CLHC1: variants seen among roughly 807,000 people sequenced by gnomAD.
CLHC1 encodes clathrin heavy chain linker domain containing 1, also known as clathrin heavy chain linker domain-containing protein 1.
In CLHC1, 72 loss-of-function variants were observed where a neutral mutation model predicts 69.5. The observed-to-expected ratio is 1.04, with a 90% confidence interval of 0.86 to 1.26. The LOEUF (loss-of-function observed/expected upper bound fraction) is 1.26, where lower values mean the gene tolerates loss of function less well. CLHC1 is among the 50% of genes most tolerant of loss of function. CLHC1 has a pLI of 0.00. For missense variants in CLHC1, 790 were observed against 679.3 expected (o/e 1.16, Z -1.81); for synonymous variants, 223 against 224.3 (o/e 0.99, Z 0.05).
rs374084996 is a variant in CLHC1 at position 55,208,645 on chromosome 2, T to A, written c.880A>T (p.Met294Leu). The A allele has an allele frequency of 1.5e-5, 24 of 1,608,274 alleles. No homozygotes were observed. Among genetic ancestry groups the A allele is most frequent in the Non-Finnish European group, 2.0e-5 (23 of 1,175,044 alleles). ...DPRRAKEAEI[M>L]LHYIERFNEL... ...ATTTGCCTTTCAATGTAGTGAAGCA[T>A]AATTTCAGCTTCTTTTGCCCTGCGT... The change falls in exon 8 of 13, where the codon ATG (methionine) becomes TTG (leucine). Residue 294 changes from methionine (M) to leucine (L), a missense_variant. Physicochemically the swap from Met to Leu is conservative, Grantham distance 15. Coordinates refer to ENST00000401408, the MANE Select transcript of CLHC1 (RefSeq NM_152385.4).
intron 11 of CLHC1, among the ~76,000 whole-genome samples, 154 bp downstream of exon 11, chr2:55,180,356 G>A (rs1438182784): frequency 2.6e-5 from 4 of 151,960 alleles, no homozygotes; most frequent in Non-Finnish European, 5.9e-5. Context: ...AGCTTACTAT[G>A]TTCATGAAAA....
In CLHC1 at chr2:55,228,176, C is replaced by T. The variant is rs186604565; in HGVS notation, c.-227G>A. 6.6e-6 allele frequency: 1 copy of T among 152,368 alleles called. No individual in the cohort carries two copies. The highest frequency in any genetic ancestry group is 1.9e-4 in the East Asian group (1 of 5,188). 9.4% of individuals were successfully genotyped at this position (152,368 alleles called of 1,614,324 possible). A position where few individuals can be genotyped will look rare whatever the true frequency, so the allele number is the denominator to read the frequency against. ...TTCCACCACACTGCCTTAGAGACTT[C>T]CTGTTTATATTCTGTCTCATCTGTT... On this transcript the variant is annotated 5_prime_UTR_variant, in exon 2 of 13. Coordinates refer to ENST00000401408, the MANE Select transcript of CLHC1 (RefSeq NM_152385.4).
intron 9 of CLHC1, among the ~76,000 whole-genome samples, chr2:55,193,324 A>C (rs1175340370): frequency 1.3e-5 from 2 of 152,136 alleles, no homozygotes; most frequent in East Asian, 3.8e-4. Context: ...CCAGTGAAAC[A>C]CTTTTTTTTT....
intron 2 of CLHC1, among the ~76,000 whole-genome samples, chr2:55,226,747 T>TTAG (rs1674747174): frequency 6.6e-6 from 1 of 152,244 alleles, no homozygotes; most frequent in Non-Finnish European, 1.5e-5. Flanking sequence ...TTCTCCTGCC[T>TTAG]TAGCCTCCCG....
At chr2:55,222,862 G>A (rs1456403817) in intron 2 of CLHC1, among the ~76,000 whole-genome samples, 1 of 149,608 alleles carries the variant, frequency 6.7e-6, no homozygotes, top group African/African-American at 2.5e-5. Context: ...CGGAGTTGCG[G>A]TGAGCCGAGA....
chr2:55,215,574 T>G (rs935524011), intron 4 of CLHC1, among the ~76,000 whole-genome samples: 2 of 152,182 alleles, frequency 1.3e-5, no homozygotes, highest in African/African-American at 4.8e-5. Flanking sequence ...AAAGGGCAAT[T>G]TTCCTTGCGG....
At chr2:55,205,916 A>G (rs1277639094) in intron 9 of CLHC1, among the ~76,000 whole-genome samples, 1 of 152,082 alleles carries the variant, frequency 6.6e-6, no homozygotes, top group Non-Finnish European at 1.5e-5. Flanking sequence ...AACTTACCAA[A>G]TTGTGTACTT....
In CLHC1 at chr2:55,180,521, T is replaced by C. The variant is rs755164921; in HGVS notation, c.1373A>G (p.Asp458Gly). 6.2e-7 allele frequency: 1 copy of C among 1,613,178 alleles called. No individual in the cohort carries two copies. The highest frequency in any genetic ancestry group is 8.5e-7 in the Non-Finnish European group (1 of 1,179,246). ...ACTTTTTAACTTACCGGTAGTAAAGTCCTTCAACTGCTGTATGTACTCCAT... is the reference window on the plus strand; with the variant it reads ...ACTTTTTAACTTACCGGTAGTAAAGCCCTTCAACTGCTGTATGTACTCCAT... Reference protein sequence around the residue: ...RVMEYIQQLKDFTTDDLLQLL... With the variant: ...RVMEYIQQLKGFTTDDLLQLL... Residue 458 changes from aspartate (D) to glycine (G), a missense_variant, in exon 11 of 13, where the codon GAC becomes GGC. Asp to Gly is a moderately conservative substitution (Grantham distance 94). Coordinates refer to ENST00000401408, the MANE Select transcript of CLHC1 (RefSeq NM_152385.4).
intron 3 of CLHC1, among the ~76,000 whole-genome samples, chr2:55,220,384 T>C (rs1185486847): frequency 2.0e-5 from 3 of 152,202 alleles, no homozygotes; most frequent in Non-Finnish European, 4.4e-5. Context: ...AGGTAAATTA[T>C]GTTATCAAGA....
At chr2:55,213,829 G>T (rs971151804) in intron 4 of CLHC1, among the ~76,000 whole-genome samples, 3 of 152,328 alleles carry the variant, frequency 2.0e-5, no homozygotes, top group Non-Finnish European at 2.9e-5. Context: ...AATGGAGAAT[G>T]ATTGGACTCA....
At chr2:55,180,944 T>C (rs1669877535) in intron 10 of CLHC1, among the ~76,000 whole-genome samples, 1 of 152,128 alleles carries the variant, frequency 6.6e-6, no homozygotes. Context: ...AGTGGTGTAT[T>C]TGCTAAGAAA....
chr2:55,182,291 T>G (rs1319624171), intron 9 of CLHC1, among the ~76,000 whole-genome samples: 1 of 152,110 alleles, frequency 6.6e-6, no homozygotes, highest in Non-Finnish European at 1.5e-5. Context: ...ATATACTTAG[T>G]CTAACATACC....
At chr2:55,217,331 C>G (rs1673617396) in intron 4 of CLHC1, among the ~76,000 whole-genome samples, 1 of 150,668 alleles carries the variant, frequency 6.6e-6, no homozygotes. Flanking sequence ...GCCTGGGCAA[C>G]ATAGTGAGAC....
intron 1 of CLHC1, among the ~76,000 whole-genome samples, chr2:55,228,704 A>G (rs1674952256): frequency 6.6e-6 from 1 of 152,210 alleles, no homozygotes; most frequent in Non-Finnish European, 1.5e-5. Flanking sequence ...ATCTAGGGCA[A>G]TGCTTAAGTT....
chr2:55,229,126 G>A (rs541855409), intron 1 of CLHC1, among the ~76,000 whole-genome samples: 13 of 142,998 alleles, frequency 9.1e-5, no homozygotes, highest in Admixed American at 8.1e-4. Context: ...AATCCAGCCT[G>A]GGCGACAGAG....
At chr2:55,221,773 T>C (rs778456141) in intron 3 of CLHC1, among the ~76,000 whole-genome samples, 1 of 151,980 alleles carries the variant, frequency 6.6e-6, no homozygotes, top group Non-Finnish European at 1.5e-5. Context: ...AGGCCAGGAG[T>C]GCAAGACCAG....
At chr2:55,195,241 A>T (rs919802347) in intron 9 of CLHC1, among the ~76,000 whole-genome samples, 2 of 152,074 alleles carry the variant, frequency 1.3e-5, no homozygotes, top group Admixed American at 1.3e-4. Flanking sequence ...GCTTCTATGA[A>T]TTCAACTTTT....
At chr2:55,206,605 G>A (rs1438389571) in intron 8 of CLHC1, among the ~76,000 whole-genome samples, 1 of 152,030 alleles carries the variant, frequency 6.6e-6, no homozygotes, top group Admixed American at 6.6e-5. Flanking sequence ...ACTCCCACCT[G>A]CTAGCTGACT....
rs143126448 is a variant in CLHC1 at position 55,175,773 on chromosome 2, C to A, written c.*17G>T. 1,191 of 1,601,432 alleles carry A rather than the reference C, an allele frequency of 7.4e-4. 7 individuals are homozygous for A. The African/African-American group carries it at 0.014, about 19-fold the overall frequency. On this transcript the variant is annotated 3_prime_UTR_variant, in exon 13 of 13. Coordinates refer to ENST00000401408, the MANE Select transcript of CLHC1 (RefSeq NM_152385.4). ...TAAGGTGTTGTACAAGCTCCCTCAG[C>A]TGGTTAAGATATAGAACTACCAAAA...
Sources: allele counts gnomAD v4.1 joint callset (sites outside exome capture counted in the v4.1 genomes callset), GRCh38; gene constraint gnomAD v4.1.1; transcripts MANE v1.5; gene names NCBI Gene and HGNC (gene_info 2026-07-23, HGNC 2026-07-21).